DLGAP1: variants seen among roughly 807,000 people sequenced by gnomAD.
DLGAP1 encodes the protein disks large-associated protein 1.
In DLGAP1, 11 loss-of-function variants were observed where a neutral mutation model predicts 90.8. The ratio of observed to expected loss-of-function variants is 0.12; its 90% CI spans 0.08 to 0.20. The LOEUF is 0.20. DLGAP1 is among the 10% of genes least tolerant of loss of function. The probability of loss-of-function intolerance (pLI) is 1.00; values close to 1 mark genes in which losing one functional copy is unlikely to be tolerated. For synonymous variants in DLGAP1, 558 were observed against 540.7 expected (o/e 1.03, Z -0.44); for missense variants, 1,050 against 1,333.8 (o/e 0.79, Z 3.31).
At chr18:3,535,430 G>A (rs1335598236) in intron 9 of DLGAP1, among the ~76,000 whole-genome samples, 4 of 152,142 alleles carry the variant, frequency 2.6e-5, no homozygotes, top group East Asian at 1.9e-4. Context: ...AAAAAGGGCC[G>A]GGCGTGGTGG....
At chr18:3,932,643 G>C (rs1247473048) in intron 3 of DLGAP1, among the ~76,000 whole-genome samples, 1 of 152,160 alleles carries the variant, frequency 6.6e-6, no homozygotes, top group Non-Finnish European at 1.5e-5. Context: ...GTCCGGCCTG[G>C]TCTCTGTCAA....
chr18:3,848,894 A>C (rs192051121), intron 4 of DLGAP1, among the ~76,000 whole-genome samples: 1 of 152,162 alleles, frequency 6.6e-6, no homozygotes, highest in Admixed American at 6.5e-5. Flanking sequence ...CAAAGTAGAT[A>C]TTAGCTTTCT....
chr18:3,727,552 A>G lies in DLGAP1; in HGVS notation c.1591+1583T>C, dbSNP rs1381450122. Reference sequence around the variant, plus strand: ...CTGGCAGGCAATGAGTTCATCATACAGAAGAATGGACCAGACACTGGGAAC... The same window carrying G: ...CTGGCAGGCAATGAGTTCATCATACGGAAGAATGGACCAGACACTGGGAAC... On this transcript the variant is annotated intron_variant, in intron 7 of 12. Coordinates refer to ENST00000315677, the MANE Select transcript of DLGAP1 (RefSeq NM_004746.4). The surrounding 1 kb of genome is among the most constrained non-coding windows in gnomAD (Gnocchi z 4.7). 6.6e-6 allele frequency among the ~76,000 whole-genome samples: 1 copy of G among 152,046 alleles called. No homozygotes were observed. The highest frequency in any genetic ancestry group is 2.4e-5 in the African/African-American group (1 of 41,386).
chr18:3,549,169 C>A (rs552767242), intron 9 of DLGAP1, among the ~76,000 whole-genome samples: 1 of 152,144 alleles, frequency 6.6e-6, no homozygotes, highest in Non-Finnish European at 1.5e-5. Context: ...AAATGCCTGG[C>A]CCAATTATAG....
chr18:3,582,346 A>G, intron 7 of DLGAP1, 98 bp from the exon 8 acceptor site: 1 of 1,503,152 alleles, frequency 6.7e-7, no homozygotes, highest in South Asian at 1.3e-5. Flanking sequence ...CACATGAAAC[A>G]CACTGAGACA....
chr18:4,015,883 A>T (rs1251381385), intron 2 of DLGAP1, among the ~76,000 whole-genome samples: 1 of 152,240 alleles, frequency 6.6e-6, no homozygotes, highest in Non-Finnish European at 1.5e-5. Flanking sequence ...TGAGCTAACA[A>T]TTCTTACAAG....
At chr18:4,006,836 C>G (rs566855236) in intron 2 of DLGAP1, among the ~76,000 whole-genome samples, 2 of 152,138 alleles carry the variant, frequency 1.3e-5, no homozygotes, top group East Asian at 3.9e-4. Flanking sequence ...TCTGTAGATA[C>G]AAGTTCTCAC....
In DLGAP1 at chr18:3,874,029, T is replaced by C. The variant is rs2070909778; in HGVS notation, c.957+5083A>G. 1.1e-5 allele frequency: 16 copies of C among 1,485,214 alleles called. No individual in the cohort carries two copies. The Middle Eastern group carries it at 1.1e-3, about 101-fold the overall frequency. 92.0% of individuals were successfully genotyped at this position (1,485,214 alleles called of 1,614,324 possible). On this transcript the variant is annotated intron_variant, in intron 4 of 12. Transcript: ENST00000315677. ...AATTTGTCAGCTCTTCCAGTCTTTCTAGCCATTATTTAGAGGAGAAATAAA... is the reference window on the plus strand; with the variant it reads ...AATTTGTCAGCTCTTCCAGTCTTTCCAGCCATTATTTAGAGGAGAAATAAA...
chr18:4,311,959 G>T (rs931342402), intron 1 of DLGAP1, among the ~76,000 whole-genome samples: 8 of 152,106 alleles, frequency 5.3e-5, no homozygotes, highest in Non-Finnish European at 1.2e-4. Flanking sequence ...CAAGTGATCC[G>T]CCAGCCTTGG....
intron 1 of DLGAP1, among the ~76,000 whole-genome samples, chr18:4,400,211 C>T (rs947782066): frequency 6.6e-6 from 1 of 152,160 alleles, no homozygotes; most frequent in Non-Finnish European, 1.5e-5. Flanking sequence ...CCAAGCATGG[C>T]GTTGGTGTTC....
intron 7 of DLGAP1, among the ~76,000 whole-genome samples, chr18:3,586,536 G>T (rs567045495): frequency 3.5e-4 from 53 of 151,772 alleles, no homozygotes; most frequent in African/African-American, 1.2e-3. Flanking sequence ...TGCTGTGTAC[G>T]CTGGCCTTGA....
At chr18:4,439,676 G>A (rs1318107391) in intron 1 of DLGAP1, among the ~76,000 whole-genome samples, 7 of 152,124 alleles carry the variant, frequency 4.6e-5, no homozygotes, top group Admixed American at 4.6e-4. Flanking sequence ...AGGCATGGTG[G>A]CACACACCTG....
intron 2 of DLGAP1, among the ~76,000 whole-genome samples, chr18:4,008,212 TAA>T (rs749635264): frequency 1.4e-5 from 2 of 143,588 alleles, no homozygotes; most frequent in African/African-American, 5.3e-5. Context: ...TGTAAATAAA[TAA>T]ATATATATAT....
chr18:4,206,594 C>T (rs1416127230), intron 1 of DLGAP1, among the ~76,000 whole-genome samples: 1 of 152,126 alleles, frequency 6.6e-6, no homozygotes, highest in African/African-American at 2.4e-5. Context: ...CATCAGCATG[C>T]ATGGCTCTGC....
Position 4,265,663 on chromosome 18 carries a change from CCCTTCCTTCCTTCCTT to C in DLGAP1, c.-266-114392_-266-114377del, listed in dbSNP as rs551164051. On this transcript the variant is annotated intron_variant, in intron 1 of 12. Coordinates refer to ENST00000315677, the MANE Select transcript of DLGAP1 (RefSeq NM_004746.4). ...CCCTTCCCTCCCTCCCTCCCTCCCT[CCCTTCCTTCCTTCCTT>C]CCTTCCTTCCTTCCTTCCTTCCCTC... Among the ~76,000 whole-genome samples the C allele has an allele frequency of 1.5e-3, 84 of 54,276 alleles. 2 individuals carry two copies. Among genetic ancestry groups the C allele is most frequent in the African/African-American group, 0.011 (60 of 5,710 alleles). The allele number at this position is 54,276 out of a possible 152,430, so 35.6% of individuals were successfully genotyped here. A position where few individuals can be genotyped will look rare whatever the true frequency, so the allele number is the denominator to read the frequency against.
At chr18:4,441,968 T>C (rs947530012) in intron 1 of DLGAP1, among the ~76,000 whole-genome samples, 1 of 152,162 alleles carries the variant, frequency 6.6e-6, no homozygotes, top group Non-Finnish European at 1.5e-5. Context: ...GAGAACATAT[T>C]CTGTAAACCA....
intron 7 of DLGAP1, among the ~76,000 whole-genome samples, chr18:3,713,379 C>T (rs1282074299): frequency 3.3e-5 from 5 of 152,158 alleles, no homozygotes; most frequent in South Asian, 4.1e-4. Context: ...AGATGGATGG[C>T]GTTGAAGGCC....
chr18:4,281,380 G>A (rs115864682), intron 1 of DLGAP1, among the ~76,000 whole-genome samples: 2,285 of 152,060 alleles, frequency 0.015, 45 homozygotes, highest in African/African-American at 0.05. Flanking sequence ...ATGAAACTCC[G>A]TCTGTACTAA....
At position 4,417,465 on chromosome 18, in the gene DLGAP1, T is replaced by C. The variant is rs1362457007; in HGVS notation, c.-267+37541A>G. The stretch of plus-strand genomic sequence containing the variant: ...GTAAACAGGTCCTGAGACAGAAACG[T>C]TTGCTTACTGCTGTCTTTAGTGTAA... On this transcript the variant is annotated intron_variant, in intron 1 of 12. Transcript: ENST00000315677. Among the ~76,000 whole-genome samples the C allele has an allele frequency of 3.3e-5, 5 of 152,112 alleles. No individual in the cohort carries two copies. In the East Asian group the frequency reaches 9.6e-4, roughly 29 times the overall value.
Sources: gnomAD v4.1 joint callset for allele counts (sites outside exome capture counted in the v4.1 genomes callset) on GRCh38, gnomAD v4.1.1 for gene constraint, Gnocchi (gnomAD v3.1) non-coding constraint, MANE v1.5 for transcripts, NCBI Gene and HGNC (gene_info 2026-07-23, HGNC 2026-07-21) for gene names.